Variants in GYS2 observed in about 807,000 individuals in gnomAD.
The protein encoded by GYS2 is glycogen [starch] synthase, liver.
Under a neutral mutation model 85.6 loss-of-function variants are expected in GYS2, and 80 were observed. The observed-to-expected ratio is 0.93, with a 90% confidence interval of 0.78 to 1.13. The LOEUF (loss-of-function observed/expected upper bound fraction) is 1.13. Ranked by LOEUF, GYS2 falls within the 50% of genes most tolerant of loss-of-function variation. The probability of loss-of-function intolerance (pLI) is 0.00; values close to 1 mark genes in which losing one functional copy is unlikely to be tolerated. For synonymous variants in GYS2, 328 were observed against 300.7 expected (o/e 1.09, Z -0.94); for missense variants, 881 against 854.9 (o/e 1.03, Z -0.38).
chr12:21,549,936 C>A (rs766058122), intron 11 of GYS2, among the ~76,000 whole-genome samples: 52 of 152,090 alleles, frequency 3.4e-4, no homozygotes, highest in Non-Finnish European at 6.0e-4. Context: ...TCTCTCATTC[C>A]TAATTAAACT....
intron 12 of GYS2, among the ~76,000 whole-genome samples, chr12:21,544,251 T>C (rs188509340): frequency 1.7e-4 from 26 of 152,308 alleles, no homozygotes; most frequent in Non-Finnish European, 3.1e-4. Context: ...CTTTGGTTAA[T>C]GTAAAACACA....
intron 15 of GYS2, among the ~76,000 whole-genome samples, chr12:21,538,249 T>C (rs1209012538): frequency 6.6e-6 from 1 of 152,180 alleles, no homozygotes; most frequent in African/African-American, 2.4e-5. Flanking sequence ...TATCACCTTT[T>C]TTACGGGCAA....
rs138076595 is a variant in GYS2, at chr12:21,554,473, C to T, written c.1422+3727G>A. Among the ~76,000 whole-genome samples, 385 of 152,292 alleles carry T rather than the reference C, an allele frequency of 2.5e-3. 1 individual carries two copies. The highest frequency in any genetic ancestry group is 0.014 in the South Asian group (67 of 4,830). On this transcript the variant is annotated intron_variant, in intron 11 of 15. Coordinates refer to ENST00000261195, the MANE Select transcript of GYS2 (RefSeq NM_021957.4). ...ATATCTAATCTCACCTTGGTGTCTG[C>T]TTCTCAGAGAACCTAAACAGAGACA... is the stretch of plus-strand genomic sequence containing the variant.
At chr12:21,556,114 T>G (rs1944175905) in intron 11 of GYS2, among the ~76,000 whole-genome samples, 1 of 152,210 alleles carries the variant, frequency 6.6e-6, no homozygotes, top group Non-Finnish European at 1.5e-5. Flanking sequence ...AATTTTCTCT[T>G]AAATCTTGAA....
chr12:21,535,620 A>G (rs1472008999), downstream of GYS2, among the ~76,000 whole-genome samples: 1 of 152,204 alleles, frequency 6.6e-6, no homozygotes, highest in African/African-American at 2.4e-5. Context: ...TACTGCAGCA[A>G]TAGGAGGGCT....
At chr12:21,562,249 A>G (rs1259293526) in intron 7 of GYS2, among the ~76,000 whole-genome samples, 3 of 151,990 alleles carry the variant, frequency 2.0e-5, no homozygotes, top group Non-Finnish European at 4.4e-5. Context: ...CTAGTTCAAG[A>G]GTTTAAAACT....
At chr12:21,599,988 A>G (rs889355545) in intron 1 of GYS2, among the ~76,000 whole-genome samples, 10 of 152,186 alleles carry the variant, frequency 6.6e-5, no homozygotes, top group African/African-American at 2.2e-4. Flanking sequence ...AGGCACAGAG[A>G]TGCTATGTAA....
chr12:21,559,571 A>G, intron 9 of GYS2, 80 bp downstream of exon 9: 3 of 819,442 alleles, frequency 3.7e-6, no homozygotes, highest in East Asian at 4.9e-5. Context: ...AACAAAATTA[A>G]TAAGTTATGA....
Position 21,536,462 on chromosome 12 carries a change from T to C in GYS2, c.*492A>G, listed in dbSNP as rs970451218. 1 of 168,146 alleles carries C rather than the reference T, an allele frequency of 5.9e-6. No homozygotes were observed. The highest frequency in any genetic ancestry group is 5.8e-5 in the Admixed American group (1 of 17,314). 10.4% of individuals were successfully genotyped at this position (168,146 alleles called of 1,614,324 possible). A position where few individuals can be genotyped will look rare whatever the true frequency, so the allele number is the denominator to read the frequency against. ...TTGTCTCTGCAAAACTACATCTAAA[T>C]CATGGTTCTGATGCATGTGAAAAAT... On this transcript the variant is annotated 3_prime_UTR_variant, in exon 16 of 16. Transcript: ENST00000261195.
At chr12:21,547,538 T>C (rs1944056414) in intron 11 of GYS2, among the ~76,000 whole-genome samples, 1 of 152,214 alleles carries the variant, frequency 6.6e-6, no homozygotes, top group African/African-American at 2.4e-5. Context: ...ACATGATGTA[T>C]GATTTCAACT....
intron 12 of GYS2, among the ~76,000 whole-genome samples, chr12:21,543,833 A>G (rs565101801): frequency 1.3e-5 from 2 of 152,272 alleles, no homozygotes; most frequent in African/African-American, 4.8e-5. Flanking sequence ...ATGAGTGAGA[A>G]CATGCGGTGT....
chr12:21,586,551 G>A (rs1944576686), intron 1 of GYS2, among the ~76,000 whole-genome samples: 1 of 151,918 alleles, frequency 6.6e-6, no homozygotes, highest in South Asian at 2.1e-4. Flanking sequence ...AGACATACAA[G>A]TGGCCAATAA....
intron 1 of GYS2, among the ~76,000 whole-genome samples, chr12:21,593,103 TAGGAAAAGCCATGGG>T (rs1450601306): frequency 1.3e-5 from 2 of 151,828 alleles, no homozygotes; most frequent in Non-Finnish European, 2.9e-5. Context: ...AAATACAACA[TAGGAAAAGCCATGGG>T]ATACAGCAAA....
At chr12:21,550,936 C>T (rs1193273965) in intron 11 of GYS2, among the ~76,000 whole-genome samples, 2 of 151,976 alleles carry the variant, frequency 1.3e-5, no homozygotes, top group African/African-American at 4.8e-5. Flanking sequence ...AGCGAGACTC[C>T]ATTTCAAAAA....
At chr12:21,547,117 A>G (rs964508436) in intron 11 of GYS2, among the ~76,000 whole-genome samples, 2 of 152,172 alleles carry the variant, frequency 1.3e-5, no homozygotes, top group East Asian at 1.9e-4. Context: ...CCCTTGCTCA[A>G]AGTTGTTCAG....
chr12:21,560,426 C>T lies in GYS2; in HGVS notation c.1129G>A (p.Val377Met), dbSNP rs199855783. Reference sequence around the variant, plus strand: ...ACTGCTTGTCCTTTCAGGGTTTCCACGTTGAAATTATTTGTCTTGGCAGGC... The same window carrying T: ...ACTGCTTGTCCTTTCAGGGTTTCCATGTTGAAATTATTTGTCTTGGCAGGC... Reference protein sequence around the residue: ...IMPAKTNNFNVETLKGQAVRK... With the variant: ...IMPAKTNNFNMETLKGQAVRK... The change falls in exon 8 of 16, where the codon GTG (valine) becomes ATG (methionine). Residue 377 changes from valine (V) to methionine (M), a missense_variant. By Grantham distance (21) the Val-to-Met change is conservative. Transcript: ENST00000261195. The T allele has an allele frequency of 1.5e-5, 24 of 1,609,764 alleles. No homozygotes were observed. The highest frequency in any genetic ancestry group is 2.2e-5 in the East Asian group (1 of 44,842).
chr12:21,541,268 C>CAAAAA (rs3832848), intron 13 of GYS2, among the ~76,000 whole-genome samples: 807 of 46,184 alleles, frequency 0.017, 145 homozygotes, highest in East Asian at 0.028. Context: ...ACCATGTTTC[C>CAAAAA]AAAAAAAAAA....
intron 1 of GYS2, among the ~76,000 whole-genome samples, chr12:21,595,411 G>A (rs1944684717): frequency 6.6e-6 from 1 of 152,186 alleles, no homozygotes; most frequent in African/African-American, 2.4e-5. Context: ...AGAAACTGAA[G>A]GTCTGTTTGT....
Position 21,604,539 on chromosome 12 carries a change from C to G in GYS2, c.54G>C (p.Trp18Cys). Residue 18 changes from tryptophan to cysteine, a missense_variant, in exon 1 of 16, where the codon TGG becomes TGC. By Grantham distance (215) the Trp-to-Cys change is radical. Transcript: ENST00000261195. ...SVTSLGGLPQ[W>C]EVEELPVEEL... ...CCTCCACAGGAAGTTCTTCGACTTCCCACTGGGGAAGCCCACCCAGGGATG... is the reference window on the plus strand; with the variant it reads ...CCTCCACAGGAAGTTCTTCGACTTCGCACTGGGGAAGCCCACCCAGGGATG... 1.2e-6 allele frequency: 2 copies of G among 1,612,788 alleles called. No individual in the cohort carries two copies. The highest frequency in any genetic ancestry group is 8.5e-7 in the Non-Finnish European group (1 of 1,179,038).
Sources: allele counts gnomAD v4.1 joint callset (sites outside exome capture counted in the v4.1 genomes callset), GRCh38; gene constraint gnomAD v4.1.1; transcripts MANE v1.5; gene names NCBI Gene and HGNC (gene_info 2026-07-23, HGNC 2026-07-21).